AGBL4: variants seen among roughly 807,000 people sequenced by gnomAD.
The protein encoded by AGBL4 is cytosolic carboxypeptidase 6.
A neutral mutation model predicts 66.4 loss-of-function variants in AGBL4; 58 were observed. The ratio of observed to expected loss-of-function variants is 0.87; its 90% CI spans 0.71 to 1.09. The LOEUF is 1.09. Ranked by LOEUF, AGBL4 falls within the 50% of genes least tolerant of loss-of-function variation. The probability of loss-of-function intolerance (pLI) is 0.00; values close to 1 mark genes in which losing one functional copy is unlikely to be tolerated. For missense variants in AGBL4, 579 were observed against 631.0 expected, an observed-to-expected ratio of 0.92 and a Z score of 0.88; for synonymous variants, 234 against 222.9, an observed-to-expected ratio of 1.05 and a Z score of -0.44.
chr1:49,924,228 G>A (rs1179486260), intron 1 of AGBL4, among the ~76,000 whole-genome samples: 1 of 152,150 alleles, frequency 6.6e-6, no homozygotes, highest in African/African-American at 2.4e-5. Flanking sequence ...TTACAATTGG[G>A]AGTTAAATGA....
intron 3 of AGBL4, among the ~76,000 whole-genome samples, chr1:49,586,681 C>T (rs571782670): frequency 7.1e-6 from 1 of 139,908 alleles, no homozygotes; most frequent in African/African-American, 2.5e-5. Flanking sequence ...TGAATGAATA[C>T]ATTAATGTTT....
intron 2 of AGBL4, among the ~76,000 whole-genome samples, chr1:49,734,038 G>A (rs562253224): frequency 4.6e-4 from 70 of 152,142 alleles, no homozygotes; most frequent in Non-Finnish European, 9.1e-4. Flanking sequence ...AAAATAATAA[G>A]ACCATTTCAA....
chr1:49,205,686 G>T (rs1436820722), intron 4 of AGBL4, among the ~76,000 whole-genome samples: 3 of 151,994 alleles, frequency 2.0e-5, no homozygotes, highest in Non-Finnish European at 4.4e-5. Flanking sequence ...AAAGAAAAGG[G>T]GTGGTAATAG....
chr1:48,593,595 CA>C (rs1429331321), intron 9 of AGBL4, among the ~76,000 whole-genome samples: 1 of 151,812 alleles, frequency 6.6e-6, no homozygotes, highest in Admixed American at 6.6e-5. Context: ...ACTAAAAATA[CA>C]AAAAATTAGC....
chr1:49,995,304 T>A, intron 1 of AGBL4: 1 of 454,452 alleles, frequency 2.2e-6, no homozygotes, highest in South Asian at 1.6e-5. Context: ...CTCAGTGCTA[T>A]TGGGGTGCAC....
intron 3 of AGBL4, among the ~76,000 whole-genome samples, chr1:49,411,779 C>T (rs572356352): frequency 3.1e-4 from 47 of 151,962 alleles, no homozygotes; most frequent in Non-Finnish European, 4.3e-4. Flanking sequence ...ACTGACACAA[C>T]CAAATTTGCT....
At chr1:48,780,606 G>T (rs974798595) in intron 6 of AGBL4, among the ~76,000 whole-genome samples, 1 of 152,038 alleles carries the variant, frequency 6.6e-6, no homozygotes, top group Non-Finnish European at 1.5e-5. Flanking sequence ...CAGAACAGAG[G>T]CCTCAGAAAT....
chr1:48,569,147 T>C (rs763741725), intron 11 of AGBL4, among the ~76,000 whole-genome samples: 1 of 152,222 alleles, frequency 6.6e-6, no homozygotes, highest in Non-Finnish European at 1.5e-5. Context: ...GTCTAGGTTA[T>C]AACAGACCTA....
chr1:49,037,414 A>G (rs976337796), intron 5 of AGBL4, among the ~76,000 whole-genome samples: 1 of 152,078 alleles, frequency 6.6e-6, no homozygotes, highest in African/African-American at 2.4e-5. Context: ...CACAATGATC[A>G]TACTGCCTCT....
At chr1:48,616,451 T>C (rs1053624544) in intron 9 of AGBL4, among the ~76,000 whole-genome samples, 17 of 152,188 alleles carry the variant, frequency 1.1e-4, no homozygotes, top group African/African-American at 4.1e-4. Context: ...TAGTTCATAA[T>C]AGTAAAGTAC....
Position 48,655,853 on chromosome 1 carries a change from G to A in AGBL4, c.725-2402C>T, listed in dbSNP as rs368351273. Among the ~76,000 whole-genome samples, 217 of 152,234 alleles carry A rather than the reference G, an allele frequency of 1.4e-3. 3 individuals are homozygous for A. The South Asian group carries it at 0.041, about 29-fold the overall frequency. On this transcript the variant is annotated intron_variant, in intron 7 of 13. Coordinates refer to ENST00000371839, the MANE Select transcript of AGBL4 (RefSeq NM_032785.4). ...CGGGGTGACCTGTAGAAAGCCTCTG[G>A]GTCTATGCTTATCTTTAAAATTAGG...
intron 9 of AGBL4, among the ~76,000 whole-genome samples, chr1:48,594,599 C>A (rs991676860): frequency 9.9e-5 from 15 of 151,960 alleles, no homozygotes; most frequent in African/African-American, 3.6e-4. Context: ...TCCATCTTTT[C>A]TTTTGTGGTT....
At chr1:49,894,618 C>CA (rs1382387095) in intron 1 of AGBL4, among the ~76,000 whole-genome samples, 2 of 152,020 alleles carry the variant, frequency 1.3e-5, no homozygotes, top group Non-Finnish European at 2.9e-5. Context: ...ATGCAATTGA[C>CA]ATACTGAAGG....
chr1:49,565,221 T>C (rs994860600), intron 3 of AGBL4, among the ~76,000 whole-genome samples: 1 of 152,190 alleles, frequency 6.6e-6, no homozygotes, highest in African/African-American at 2.4e-5. Flanking sequence ...GATGGGTTTC[T>C]TGAATACAGC....
chr1:49,771,738 TATA>T (rs758676609), intron 2 of AGBL4, among the ~76,000 whole-genome samples: 80 of 152,202 alleles, frequency 5.3e-4, no homozygotes, highest in Non-Finnish European at 8.2e-4. Context: ...TTTATCATAA[TATA>T]ATGACTTTTT....
At chr1:49,419,742 G>A (rs149661955) in intron 3 of AGBL4, among the ~76,000 whole-genome samples, 1 of 152,222 alleles carries the variant, frequency 6.6e-6, no homozygotes, top group Non-Finnish European at 1.5e-5. Flanking sequence ...ATAATTCCCT[G>A]TGAACTAAAA....
chr1:48,580,814 C>T (rs1330723487), intron 11 of AGBL4, among the ~76,000 whole-genome samples: 1 of 152,162 alleles, frequency 6.6e-6, no homozygotes, highest in African/African-American at 2.4e-5. Flanking sequence ...CTGGCTCTGC[C>T]TATATTTATT....
chr1:49,504,719 G>A (rs1466281947), intron 3 of AGBL4, among the ~76,000 whole-genome samples: 1 of 151,734 alleles, frequency 6.6e-6, no homozygotes, highest in Non-Finnish European at 1.5e-5. Flanking sequence ...TTCACTTTCA[G>A]TGTATCTGTG....
intron 3 of AGBL4, among the ~76,000 whole-genome samples, chr1:49,257,789 C>A (rs909035000): frequency 3.3e-5 from 5 of 152,208 alleles, no homozygotes; most frequent in South Asian, 2.1e-4. Flanking sequence ...TAGACCAGAG[C>A]TGTTCCTATT....
Sources: allele counts gnomAD v4.1 joint callset (sites outside exome capture counted in the v4.1 genomes callset), GRCh38; gene constraint gnomAD v4.1.1; transcripts MANE v1.5; gene names NCBI Gene and HGNC (gene_info 2026-07-23, HGNC 2026-07-21).